CLSTN2: variants seen among roughly 807,000 people sequenced by gnomAD.
The protein encoded by CLSTN2 is calsyntenin-2.
Under a neutral mutation model 101.2 loss-of-function variants are expected in CLSTN2, and 48 were observed. The ratio of observed to expected loss-of-function variants is 0.47; its 90% confidence interval spans 0.38 to 0.60. CLSTN2 has a LOEUF of 0.60. Among genes scored for constraint, CLSTN2 ranks in the 20% least tolerant of loss-of-function variants. The pLI is 0.00. For synonymous variants in CLSTN2, 481 were observed against 463.6 expected (o/e 1.04, Z -0.48); for missense variants, 1,160 against 1,238.2 (o/e 0.94, Z 0.95).
At chr3:140,202,286 A>T (rs528527661) in intron 2 of CLSTN2, among the ~76,000 whole-genome samples, 1 of 152,336 alleles carries the variant, frequency 6.6e-6, no homozygotes, top group Non-Finnish European at 1.5e-5. Flanking sequence ...CTGCAGTAAC[A>T]GCTGAGAGTG....
intron 2 of CLSTN2, among the ~76,000 whole-genome samples, chr3:140,239,869 ATC>A (rs2086444878): frequency 6.6e-6 from 1 of 151,568 alleles, no homozygotes. Context: ...ATGTATATAT[ATC>A]TGTGTTTATA....
intron 8 of CLSTN2, chr3:140,506,084 C>CCTA (rs1422451138): frequency 6.6e-6 from 1 of 152,216 alleles, no homozygotes; most frequent in Admixed American, 6.5e-5. Context: ...GATCCTCCCA[C>CCTA]CTACTCTTCT....
At chr3:140,459,891 C>A (rs912239795) in intron 7 of CLSTN2, 122 bp downstream of exon 7, 3 of 1,117,676 alleles carry the variant, frequency 2.7e-6, no homozygotes, top group African/African-American at 3.1e-5. Context: ...CTGAGAGGAA[C>A]CCTGCCAATA....
At chr3:140,035,093 T>C (rs770065581) in intron 1 of CLSTN2, among the ~76,000 whole-genome samples, 11 of 152,208 alleles carry the variant, frequency 7.2e-5, no homozygotes, top group Non-Finnish European at 1.3e-4. Context: ...GAGGACATTG[T>C]TTTCTGCCTA....
chr3:140,372,356 G>A (rs1270754801), intron 2 of CLSTN2, among the ~76,000 whole-genome samples: 1 of 152,142 alleles, frequency 6.6e-6, no homozygotes, highest in African/African-American at 2.4e-5. Flanking sequence ...CCTGGCCTTT[G>A]CTCATGTTGT....
intron 8 of CLSTN2, among the ~76,000 whole-genome samples, chr3:140,471,212 G>T (rs1289747964): frequency 6.6e-6 from 1 of 152,178 alleles, no homozygotes; most frequent in East Asian, 1.9e-4. Flanking sequence ...GTGCCCAGCT[G>T]CCAGCACACA....
intron 1 of CLSTN2, among the ~76,000 whole-genome samples, chr3:140,097,444 G>A (rs2008887273): frequency 6.6e-6 from 1 of 152,162 alleles, no homozygotes. Flanking sequence ...TGATAATAAT[G>A]CTCACAGCAG....
intron 2 of CLSTN2, among the ~76,000 whole-genome samples, chr3:140,343,292 A>T (rs945336601): frequency 7.2e-5 from 11 of 152,188 alleles, no homozygotes; most frequent in African/African-American, 2.7e-4. Flanking sequence ...TGTTAGGTAC[A>T]TTCCCTCTGA....
intron 8 of CLSTN2, among the ~76,000 whole-genome samples, chr3:140,489,733 AG>A (rs1336850671): frequency 3.3e-5 from 5 of 152,012 alleles, no homozygotes; most frequent in Non-Finnish European, 7.4e-5. Flanking sequence ...AATTGTTCAC[AG>A]GCCCTTGCTA....
At chr3:140,530,727 T>TG (rs1374866630) in intron 8 of CLSTN2, among the ~76,000 whole-genome samples, 1 of 152,210 alleles carries the variant, frequency 6.6e-6, no homozygotes, top group Non-Finnish European at 1.5e-5. Flanking sequence ...GAGGCCAGGA[T>TG]GGGGGAGCCC....
chr3:140,297,553 G>A (rs2087015320), intron 2 of CLSTN2, among the ~76,000 whole-genome samples: 1 of 152,110 alleles, frequency 6.6e-6, no homozygotes, highest in Non-Finnish European at 1.5e-5. Context: ...GGCTTTGTAG[G>A]CCAAGAGGTA....
intron 1 of CLSTN2, among the ~76,000 whole-genome samples, chr3:140,046,944 C>T (rs6765756): frequency 0.013 from 1,924 of 151,954 alleles, 46 homozygotes; most frequent in African/African-American, 0.042. Flanking sequence ...CTGCTTCCAA[C>T]TGTCCCTCTA....
At chr3:140,132,151 C>T (rs2009533192) in intron 1 of CLSTN2, among the ~76,000 whole-genome samples, 1 of 152,146 alleles carries the variant, frequency 6.6e-6, no homozygotes. Context: ...GGCAGGCTCA[C>T]ATAACTCATG....
chr3:140,047,593 T>A (rs1343587307), intron 1 of CLSTN2, among the ~76,000 whole-genome samples: 1 of 152,230 alleles, frequency 6.6e-6, no homozygotes, highest in Non-Finnish European at 1.5e-5. Context: ...AATTTATTTC[T>A]TACAGTTATA....
intron 2 of CLSTN2, among the ~76,000 whole-genome samples, chr3:140,179,138 G>A (rs965256053): frequency 2.6e-5 from 4 of 151,908 alleles, no homozygotes; most frequent in African/African-American, 7.3e-5. Flanking sequence ...ATTTAACATA[G>A]CTTTTATGGT....
At chr3:140,179,997 G>A (rs933177155) in intron 2 of CLSTN2, among the ~76,000 whole-genome samples, 5 of 152,164 alleles carry the variant, frequency 3.3e-5, no homozygotes, top group South Asian at 2.1e-4. Flanking sequence ...GTCCCTGGCC[G>A]TCATAAGGTT....
At chr3:140,563,042 A>C in intron 14 of CLSTN2, 38 bp from the exon 15 acceptor site, 2 of 1,612,120 alleles carry the variant, frequency 1.2e-6, no homozygotes, top group Non-Finnish European at 1.7e-6. Flanking sequence ...CCCACCTGCC[A>C]CTCCTGGGTC....
At chr3:140,497,226 G>A (rs933410384) in intron 8 of CLSTN2, among the ~76,000 whole-genome samples, 4 of 152,190 alleles carry the variant, frequency 2.6e-5, no homozygotes, top group Admixed American at 2.6e-4. Flanking sequence ...GAAAAGCTGA[G>A]TTGACTGAAC....
intron 8 of CLSTN2, among the ~76,000 whole-genome samples, chr3:140,509,249 G>T (rs1399269022): frequency 3.3e-5 from 5 of 152,142 alleles, no homozygotes; most frequent in Admixed American, 1.3e-4. Context: ...TTTGGTAAAC[G>T]GTCTACTCTG....
Sources: allele counts gnomAD v4.1 joint callset (sites outside exome capture counted in the v4.1 genomes callset), GRCh38; gene constraint gnomAD v4.1.1; transcripts MANE v1.5; gene names NCBI Gene and HGNC (gene_info 2026-07-23, HGNC 2026-07-21).